CFAP210: variants seen among roughly 807,000 people sequenced by gnomAD.
CFAP210 encodes cilia- and flagella- associated protein 210.
chr2:169,689,735 C>A, the CFAP210 span, among the ~76,000 whole-genome samples: 2 of 152,150 alleles, frequency 1.3e-5, no homozygotes, highest in Non-Finnish European at 2.9e-5. Context: ...TAGCTATGGG[C>A]TTTTCATAGG....
chr2:169,652,013 CCT>C, the CFAP210 span, among the ~76,000 whole-genome samples: 1 of 152,064 alleles, frequency 6.6e-6, no homozygotes, highest in Non-Finnish European at 1.5e-5. Context: ...TTGAATGGGT[CCT>C]CTCTCTAGTT....
chr2:169,650,462 TTC>T, the CFAP210 span: 3 of 1,605,160 alleles, frequency 1.9e-6, no homozygotes, highest in East Asian at 6.7e-5. Context: ...ATTGTCAAGT[TTC>T]TCTTTCAACA....
At chr2:169,652,770 C>T in the CFAP210 span, among the ~76,000 whole-genome samples, 3,233 of 150,326 alleles carry the variant, frequency 0.022, 128 homozygotes, top group African/African-American at 0.074. Context: ...CCGAGGCGGG[C>T]GGATCACGAG....
At chr2:169,690,323 GT>G in the CFAP210 span, among the ~76,000 whole-genome samples, 1 of 152,186 alleles carries the variant, frequency 6.6e-6, no homozygotes, top group African/African-American at 2.4e-5. Flanking sequence ...TTTTTAAAAA[GT>G]TTTTGAAGGA....
the CFAP210 span, among the ~76,000 whole-genome samples, chr2:169,671,123 T>C: frequency 6.6e-6 from 1 of 152,196 alleles, no homozygotes; most frequent in African/African-American, 2.4e-5. Flanking sequence ...AAAGACACCA[T>C]GAGCCGATCC....
chr2:169,654,261 C>T, the CFAP210 span: 1 of 1,475,920 alleles, frequency 6.8e-7, no homozygotes, highest in Non-Finnish European at 9.1e-7. Context: ...AGAAAAATAT[C>T]TTTCAACATA....
the CFAP210 span, chr2:169,694,369 C>A: frequency 6.3e-7 from 1 of 1,594,734 alleles, no homozygotes; most frequent in Non-Finnish European, 8.6e-7. Context: ...CGCCAAGCGC[C>A]GCGGACGCCA....
At chr2:169,653,054 A>ATG in the CFAP210 span, among the ~76,000 whole-genome samples, 3 of 102,614 alleles carry the variant, frequency 2.9e-5, no homozygotes, top group African/African-American at 1.1e-4. Flanking sequence ...ATATATATAT[A>ATG]TATATATATA....
the CFAP210 span, chr2:169,648,311 G>A: frequency 5.8e-6 from 1 of 171,040 alleles, no homozygotes. Flanking sequence ...GAGGGGATAG[G>A]GAGTTACTGT....
chr2:169,677,889 A>G, the CFAP210 span, among the ~76,000 whole-genome samples: 5 of 152,240 alleles, frequency 3.3e-5, no homozygotes, highest in Non-Finnish European at 7.3e-5. Context: ...AGATCAATAC[A>G]GGAAAAATTT....
chr2:169,646,035 A>G, the CFAP210 span: 1 of 1,613,862 alleles, frequency 6.2e-7, no homozygotes, highest in Non-Finnish European at 8.5e-7. Flanking sequence ...GGGTAAATAT[A>G]TTTATTTGTT....
At chr2:169,660,127 G>A in the CFAP210 span, among the ~76,000 whole-genome samples, 1 of 151,864 alleles carries the variant, frequency 6.6e-6, no homozygotes, top group South Asian at 2.1e-4. Flanking sequence ...GGTGGCTCAT[G>A]CCTGCAATCC....
At chr2:169,692,481 C>CA in the CFAP210 span, among the ~76,000 whole-genome samples, 2 of 144,948 alleles carry the variant, frequency 1.4e-5, no homozygotes, top group African/African-American at 5.4e-5. Flanking sequence ...CACACACACA[C>CA]CACACAGAGA....
chr2:169,663,931 G>A, the CFAP210 span, among the ~76,000 whole-genome samples: 4 of 151,638 alleles, frequency 2.6e-5, no homozygotes, highest in Non-Finnish European at 5.9e-5. Context: ...GCTCACGCCT[G>A]TAATCCCAGC....
At chr2:169,657,989 C>G in the CFAP210 span, 2 of 151,894 alleles carry the variant, frequency 1.3e-5, no homozygotes, top group Admixed American at 6.6e-5. Flanking sequence ...AAAAAATAAA[C>G]TTTTCAGATA....
the CFAP210 span, among the ~76,000 whole-genome samples, chr2:169,692,632 C>T: frequency 1.3e-5 from 2 of 152,172 alleles, no homozygotes; most frequent in Non-Finnish European, 2.9e-5. Flanking sequence ...AACATTTTTA[C>T]ATTGGGGATT....
At chr2:169,648,200 A>G in the CFAP210 span, 1 of 247,390 alleles carries the variant, frequency 4.0e-6, no homozygotes, top group Non-Finnish European at 8.1e-6. Flanking sequence ...AGTGAAAACC[A>G]AACAGAAAAG....
At chr2:169,682,655 G>T in the CFAP210 span, among the ~76,000 whole-genome samples, 2 of 152,100 alleles carry the variant, frequency 1.3e-5, no homozygotes, top group Admixed American at 6.6e-5. Context: ...TCTGTCTTAA[G>T]GAGGTAAGAC....
chr2:169,650,402 T>C, the CFAP210 span: 1 of 1,606,360 alleles, frequency 6.2e-7, no homozygotes, highest in South Asian at 1.1e-5. Context: ...TTCTCTTTTT[T>C]CCCATTCAGC....
Sources: gnomAD v4.1 joint callset for allele counts (sites outside exome capture counted in the v4.1 genomes callset) on GRCh38, gnomAD v4.1.1 for gene constraint, MANE v1.5 for transcripts, NCBI Gene and HGNC (gene_info 2026-07-23, HGNC 2026-07-21) for gene names.